Variants in ACTR3B observed in about 807,000 individuals in gnomAD.
ACTR3B encodes actin-related protein 3B.
ACTR3B carries 8 observed loss-of-function variants against 59.0 expected under a neutral mutation model. The observed-to-expected ratio is 0.14, with a 90% CI of 0.08 to 0.24. The LOEUF (loss-of-function observed/expected upper bound fraction) is 0.24, where lower values mean the gene tolerates loss of function less well. Ranked by LOEUF, ACTR3B falls within the 10% of genes least tolerant of loss-of-function variation. The pLI is 1.00. For missense variants in ACTR3B, 245 were observed against 552.3 expected, an observed-to-expected ratio of 0.44 and a Z score of 5.58; for synonymous variants, 148 against 197.9, an observed-to-expected ratio of 0.75 and a Z score of 2.12.
At chr7:152,842,868 T>G (rs7349966) in intron 9 of ACTR3B, among the ~76,000 whole-genome samples, 21 of 152,230 alleles carry the variant, frequency 1.4e-4, no homozygotes, top group Non-Finnish European at 1.3e-4. Flanking sequence ...CCACCAACAG[T>G]GTACAAGAGT....
chr7:152,796,009 A>C (rs1264998364), intron 2 of ACTR3B, among the ~76,000 whole-genome samples: 2 of 151,916 alleles, frequency 1.3e-5, no homozygotes, highest in East Asian at 3.9e-4. Context: ...ATGCCTGGCT[A>C]ATTTTTGTAT....
chr7:152,765,522 C>T (rs1284145062), intron 1 of ACTR3B, among the ~76,000 whole-genome samples: 1 of 151,744 alleles, frequency 6.6e-6, no homozygotes, highest in African/African-American at 2.4e-5. Flanking sequence ...GGAGAACGGC[C>T]CAGTTCTCTC....
At chr7:152,813,071 G>T (rs1394893661) in intron 4 of ACTR3B, 1 of 88,208 alleles carries the variant, frequency 1.1e-5, no homozygotes, top group East Asian at 3.2e-4. Context: ...CTGATTTCTG[G>T]TGTCTCTTCC....
At chr7:152,773,023 T>C (rs1207807059) in intron 1 of ACTR3B, among the ~76,000 whole-genome samples, 3 of 152,150 alleles carry the variant, frequency 2.0e-5, no homozygotes, top group East Asian at 3.9e-4. Flanking sequence ...AAGGCTATTA[T>C]GCTAAAAACA....
At chr7:152,805,788 C>G (rs1461315312) in intron 4 of ACTR3B, among the ~76,000 whole-genome samples, 1 of 152,216 alleles carries the variant, frequency 6.6e-6, no homozygotes, top group African/African-American at 2.4e-5. Context: ...TACTTTCCAG[C>G]TTCCAGTATG....
chr7:152,794,838 G>A (rs1027939004), intron 2 of ACTR3B, among the ~76,000 whole-genome samples: 6 of 152,080 alleles, frequency 3.9e-5, no homozygotes, highest in Non-Finnish European at 7.3e-5. Context: ...CACTTCACTC[G>A]TGCTTTCTTC....
At chr7:152,776,844 C>G (rs1467546984) in intron 1 of ACTR3B, among the ~76,000 whole-genome samples, 1 of 152,128 alleles carries the variant, frequency 6.6e-6, no homozygotes, top group South Asian at 2.1e-4. Flanking sequence ...ATACTGTTTT[C>G]AAGCACTTTC....
intron 5 of ACTR3B, among the ~76,000 whole-genome samples, chr7:152,815,830 G>T (rs1167178662): frequency 6.6e-6 from 1 of 152,124 alleles, no homozygotes; most frequent in African/African-American, 2.4e-5. Flanking sequence ...TGACCTCATT[G>T]CCAATCTGTG....
At chr7:152,833,177 A>AG (rs1010021402) in intron 9 of ACTR3B, among the ~76,000 whole-genome samples, 5 of 152,200 alleles carry the variant, frequency 3.3e-5, no homozygotes, top group African/African-American at 1.2e-4. Context: ...CAGGCCGAAG[A>AG]GGGGGTGGTT....
chr7:152,849,352 G>C (rs562161264), intron 9 of ACTR3B, among the ~76,000 whole-genome samples: 2 of 152,306 alleles, frequency 1.3e-5, no homozygotes, highest in South Asian at 2.1e-4. Flanking sequence ...CCGGAGGATC[G>C]CTTCACTGCT....
At chr7:152,768,155 G>A (rs1474816887) in intron 1 of ACTR3B, among the ~76,000 whole-genome samples, 4 of 152,224 alleles carry the variant, frequency 2.6e-5, no homozygotes, top group African/African-American at 7.2e-5. Context: ...CCTGGGAGGC[G>A]GAGGTTGCAG....
chr7:152,780,121 G>A (rs2098147033), intron 1 of ACTR3B, among the ~76,000 whole-genome samples: 1 of 152,142 alleles, frequency 6.6e-6, no homozygotes, highest in Admixed American at 6.5e-5. Flanking sequence ...GGGAGGCTGA[G>A]GCAGGCAGAT....
chr7:152,820,006 T>A (rs1468837473), intron 6 of ACTR3B, among the ~76,000 whole-genome samples: 1 of 152,248 alleles, frequency 6.6e-6, no homozygotes, highest in Non-Finnish European at 1.5e-5. Context: ...TTTTTGGAAA[T>A]GAACTATCTT....
At chr7:152,778,966 A>G (rs2098143214) in intron 1 of ACTR3B, among the ~76,000 whole-genome samples, 1 of 133,066 alleles carries the variant, frequency 7.5e-6, no homozygotes, top group South Asian at 2.5e-4. Context: ...AAAAAAAAAA[A>G]AAAAAAAAAA....
chr7:152,766,185 TG>T (rs1415414704), intron 1 of ACTR3B, among the ~76,000 whole-genome samples: 7 of 152,288 alleles, frequency 4.6e-5, no homozygotes, highest in African/African-American at 1.7e-4. Context: ...GGAAAAGATG[TG>T]GGGTGGAGCC....
chr7:152,840,381 A>G (rs1377161599), intron 9 of ACTR3B, among the ~76,000 whole-genome samples: 1 of 152,124 alleles, frequency 6.6e-6, no homozygotes, highest in Non-Finnish European at 1.5e-5. Flanking sequence ...GCCGGTGCTG[A>G]CGTCATTACC....
chr7:152,762,877 T>C (rs2098094282), intron 1 of ACTR3B, among the ~76,000 whole-genome samples: 1 of 152,216 alleles, frequency 6.6e-6, no homozygotes, highest in African/African-American at 2.4e-5. Flanking sequence ...ACCACAGAAG[T>C]CCTGTTGATC....
chr7:152,785,481 G>GAGAGAGAGAGAGAC (rs1563090429), intron 2 of ACTR3B, among the ~76,000 whole-genome samples: 6 of 13,654 alleles, frequency 4.4e-4, no homozygotes, highest in African/African-American at 3.0e-3. Context: ...GAGGGAGAGA[G>GAGAGAGAGAGAGAC]AGAGAGAGAG....
intron 1 of ACTR3B, among the ~76,000 whole-genome samples, chr7:152,764,485 T>TA (rs1455227885): frequency 6.6e-6 from 1 of 150,720 alleles, no homozygotes; most frequent in Non-Finnish European, 1.5e-5. Context: ...AAAAAAGAAA[T>TA]ACAAAAAAAT....
Sources: allele counts gnomAD v4.1 joint callset (sites outside exome capture counted in the v4.1 genomes callset), GRCh38; gene constraint gnomAD v4.1.1; transcripts MANE v1.5; gene names NCBI Gene and HGNC (gene_info 2026-07-23, HGNC 2026-07-21).